MYRIP: variants seen among roughly 807,000 people sequenced by gnomAD.
MYRIP encodes rab effector MyRIP.
MYRIP carries 49 observed loss-of-function variants against 98.0 expected under a neutral mutation model. That is an observed-to-expected ratio of 0.50 (90% CI 0.40 to 0.63). The LOEUF is 0.63. Ranked by LOEUF, MYRIP falls within the 30% of genes least tolerant of loss-of-function variation. MYRIP has a pLI of 0.00. For synonymous variants in MYRIP, 404 were observed against 409.5 expected (o/e 0.99, Z 0.16); for missense variants, 1,004 against 1,058.2 (o/e 0.95, Z 0.71).
chr3:39,942,244 C>G lies in MYRIP; in HGVS notation c.110+41318C>G, dbSNP rs75896413. Among the ~76,000 whole-genome samples the G allele has an allele frequency of 6.0e-3, 909 of 152,222 alleles. 9 individuals carry two copies. Among genetic ancestry groups the G allele is most frequent in the African/African-American group, 0.021 (854 of 41,544 alleles). On this transcript the variant is annotated intron_variant, in intron 2 of 16. Transcript: ENST00000302541. ...GAACAGGGCCACGTCACTGCAGTTT[C>G]CTTTGATCCCATTGTATGTACGGCG...
intron 2 of MYRIP, among the ~76,000 whole-genome samples, chr3:40,020,929 A>T (rs1365394209): frequency 1.3e-5 from 2 of 152,088 alleles, no homozygotes; most frequent in African/African-American, 2.4e-5. Context: ...CATCATTCCA[A>T]TATGGGGTGT....
At chr3:40,060,593 T>C (rs1326547789) in intron 3 of MYRIP, among the ~76,000 whole-genome samples, 1 of 84,218 alleles carries the variant, frequency 1.2e-5, no homozygotes, top group East Asian at 4.7e-4. Flanking sequence ...TTTTTTCTTT[T>C]TTTGAGAGAG....
chr3:39,866,852 A>G (rs1006262015), intron 1 of MYRIP, among the ~76,000 whole-genome samples: 6 of 152,216 alleles, frequency 3.9e-5, no homozygotes, highest in Non-Finnish European at 8.8e-5. Context: ...TAGAGCCACA[A>G]AAACCTCCAA....
At chr3:39,841,368 G>C (rs1038690993) in intron 1 of MYRIP, among the ~76,000 whole-genome samples, 4 of 152,016 alleles carry the variant, frequency 2.6e-5, no homozygotes, top group Middle Eastern at 3.2e-3. Flanking sequence ...TATCAATCAA[G>C]GTTCTTAGCT....
chr3:39,884,376 A>T (rs991517816), intron 1 of MYRIP, among the ~76,000 whole-genome samples: 1 of 152,126 alleles, frequency 6.6e-6, no homozygotes, highest in Non-Finnish European at 1.5e-5. Context: ...GCTGGGCCAC[A>T]GTGCTCAGAT....
intron 3 of MYRIP, among the ~76,000 whole-genome samples, chr3:40,062,974 A>C (rs1356523478): frequency 6.6e-6 from 1 of 152,230 alleles, no homozygotes; most frequent in Non-Finnish European, 1.5e-5. Context: ...TACAACTGCC[A>C]AATCTCTTGA....
chr3:40,245,513 G>A (rs2125714794), intron 13 of MYRIP, among the ~76,000 whole-genome samples: 1 of 151,840 alleles, frequency 6.6e-6, no homozygotes. Flanking sequence ...GCCGGGAGTG[G>A]TGGCGGGCGC....
chr3:39,838,797 T>G (rs1575290995), intron 1 of MYRIP, among the ~76,000 whole-genome samples: 1 of 152,174 alleles, frequency 6.6e-6, no homozygotes, highest in Admixed American at 6.5e-5. Context: ...CCAGCTCCTC[T>G]TTATATCTCT....
At chr3:40,159,690 A>G (rs1290136097) in intron 4 of MYRIP, among the ~76,000 whole-genome samples, 2 of 151,926 alleles carry the variant, frequency 1.3e-5, no homozygotes, top group Admixed American at 6.5e-5. Context: ...GGCTTTGCTC[A>G]TTTCTTTTCA....
intron 10 of MYRIP, among the ~76,000 whole-genome samples, chr3:40,203,679 T>TTTATATATTTTTATATA (rs1951637236): frequency 1.5e-5 from 2 of 133,540 alleles, no homozygotes; most frequent in Non-Finnish European, 3.1e-5. Context: ...ATTTTTATAT[T>TTTATATATTTTTATATA]TTTATATATA....
At chr3:40,012,709 T>C (rs558200047) in intron 2 of MYRIP, among the ~76,000 whole-genome samples, 15 of 152,312 alleles carry the variant, frequency 9.8e-5, no homozygotes, top group Non-Finnish European at 1.0e-4. Flanking sequence ...CCCTGCCTCA[T>C]AGAGTAAGCT....
chr3:40,145,941 A>G (rs930117739), intron 3 of MYRIP, among the ~76,000 whole-genome samples: 2 of 152,228 alleles, frequency 1.3e-5, no homozygotes, highest in African/African-American at 4.8e-5. Flanking sequence ...TCCATCACGT[A>G]CTGGATTTTA....
chr3:39,914,166 T>G (rs1944094141), intron 2 of MYRIP, among the ~76,000 whole-genome samples: 3 of 152,288 alleles, frequency 2.0e-5, no homozygotes, highest in Middle Eastern at 3.4e-3. Context: ...AATCTGGAAC[T>G]TATCGCACAG....
At chr3:40,200,843 C>G (rs9878573) in intron 10 of MYRIP, among the ~76,000 whole-genome samples, 7,834 of 152,246 alleles carry the variant, frequency 0.051, 641 homozygotes, top group African/African-American at 0.18. Context: ...CTGACCCTGA[C>G]TCTCACACTG....
chr3:40,257,923 A>G (rs553308166), intron 16 of MYRIP, among the ~76,000 whole-genome samples: 2 of 152,374 alleles, frequency 1.3e-5, no homozygotes, highest in East Asian at 3.9e-4. Context: ...ACATTTGATC[A>G]TTACCTTATT....
Position 39,925,158 on chromosome 3 carries a change from C to T in MYRIP, c.110+24232C>T, listed in dbSNP as rs190140340. Among the ~76,000 whole-genome samples, 9 of 151,540 alleles carry T rather than the reference C, an allele frequency of 5.9e-5. No individual in the cohort carries two copies. In the East Asian group the frequency reaches 1.6e-3, roughly 26 times the overall value. ...AGAAAAACAATAAAAATAAATGAAACAAAGTCTGGTTCCTCAAAATGATTT... is the reference window on the plus strand; with the variant it reads ...AGAAAAACAATAAAAATAAATGAAATAAAGTCTGGTTCCTCAAAATGATTT... On this transcript the variant is annotated intron_variant, in intron 2 of 16. Transcript: ENST00000302541.
At chr3:40,244,630 A>T (rs1193632558) in intron 13 of MYRIP, 23 bp downstream of exon 13, 1 of 1,598,668 alleles carries the variant, frequency 6.3e-7, no homozygotes, top group Non-Finnish European at 8.5e-7. Context: ...CTCTCTGCCC[A>T]CATGGGTCCT....
At chr3:40,228,452 G>A (rs1198720929) in intron 11 of MYRIP, among the ~76,000 whole-genome samples, 1 of 152,102 alleles carries the variant, frequency 6.6e-6, no homozygotes, top group East Asian at 1.9e-4. Flanking sequence ...CCCTAGGCCA[G>A]GTGCCTGCTA....
chr3:40,213,073 C>T (rs946579048), intron 11 of MYRIP, among the ~76,000 whole-genome samples: 10 of 152,218 alleles, frequency 6.6e-5, no homozygotes, highest in African/African-American at 2.4e-4. Context: ...CCTAACTGGT[C>T]TCCTGACCCT....
Sources: allele counts gnomAD v4.1 joint callset (sites outside exome capture counted in the v4.1 genomes callset), GRCh38; gene constraint gnomAD v4.1.1; transcripts MANE v1.5; gene names NCBI Gene and HGNC (gene_info 2026-07-23, HGNC 2026-07-21).